MGAT4A: variants seen among roughly 807,000 people sequenced by gnomAD.
The protein encoded by MGAT4A is N-acetylglucosaminyltransferase IVa.
Under a neutral mutation model 74.1 loss-of-function variants are expected in MGAT4A, and 33 were observed. The observed-to-expected ratio is 0.45, with a 90% CI of 0.34 to 0.60. The LOEUF (loss-of-function observed/expected upper bound fraction) is 0.60, where lower values mean the gene tolerates loss of function less well. MGAT4A is among the 20% of genes least tolerant of loss of function. The probability of loss-of-function intolerance (pLI) is 0.02; values close to 1 mark genes in which losing one functional copy is unlikely to be tolerated. For missense variants in MGAT4A, 479 were observed against 628.3 expected, an observed-to-expected ratio of 0.76 and a Z score of 2.54; for synonymous variants, 198 against 210.4, an observed-to-expected ratio of 0.94 and a Z score of 0.51.
intron 14 of MGAT4A, among the ~76,000 whole-genome samples, chr2:98,634,926 G>T (rs1355407162): frequency 1.3e-5 from 2 of 151,978 alleles, no homozygotes; most frequent in Non-Finnish European, 2.9e-5. Context: ...GTGAGCTGAG[G>T]CTGGAGAGGA....
chr2:98,694,390 T>C (rs1384760232), intron 2 of MGAT4A: 1 of 153,580 alleles, frequency 6.5e-6, no homozygotes, highest in Non-Finnish European at 1.5e-5. Context: ...AATTTTTGGA[T>C]ACACCATGGT....
rs543080307 is a variant in MGAT4A at position 98,717,800 on chromosome 2, G to T, written c.94+8439C>A. Among the ~76,000 whole-genome samples, 6 of 152,266 alleles carry T rather than the reference G, an allele frequency of 3.9e-5. No individual in the cohort carries two copies. The East Asian group carries it at 1.2e-3, about 29-fold the overall frequency. On this transcript the variant is annotated intron_variant, in intron 2 of 15. Coordinates refer to ENST00000393487, the MANE Select transcript of MGAT4A (RefSeq NM_012214.3). ...TACGGCAAGGATATTCCTCTAACAT[G>T]TTCTAATGCTAATGCATCCCAGACC... is the stretch of plus-strand genomic sequence containing the variant.
At position 98,667,395 on chromosome 2, in the gene MGAT4A, T is replaced by C. The variant is rs1701850872; in HGVS notation, c.404-4216A>G. Reference sequence around the variant, plus strand: ...GGAGGGCTCAGAAGGCAGGAAAATATAGGAAACTTTGGAGTTCCCTAGAGA... The same window carrying C: ...GGAGGGCTCAGAAGGCAGGAAAATACAGGAAACTTTGGAGTTCCCTAGAGA... On this transcript the variant is annotated intron_variant, in intron 4 of 15. Transcript: ENST00000393487. Among the ~76,000 whole-genome samples the C allele has an allele frequency of 2.0e-5, 3 of 152,172 alleles. No homozygotes were observed. In the South Asian group the frequency reaches 6.2e-4, roughly 32 times the overall value.
chr2:98,685,238 TAAAAAAAAA>T, intron 2 of MGAT4A, among the ~76,000 whole-genome samples: 1 of 133,472 alleles, frequency 7.5e-6, no homozygotes, highest in African/African-American at 2.8e-5. Flanking sequence ...CCCTGTCTCT[TAAAAAAAAA>T]AAAAAAAAAA....
chr2:98,712,452 G>A (rs1702531585), intron 2 of MGAT4A, among the ~76,000 whole-genome samples: 1 of 152,152 alleles, frequency 6.6e-6, no homozygotes, highest in African/African-American at 2.4e-5. Context: ...AAATAGTTGT[G>A]TACCAATATG....
intron 8 of MGAT4A, among the ~76,000 whole-genome samples, chr2:98,646,401 A>G (rs1244412277): frequency 6.6e-6 from 1 of 152,098 alleles, no homozygotes; most frequent in Non-Finnish European, 1.5e-5. Flanking sequence ...CAATCATCAA[A>G]GAAACAATCA....
chr2:98,682,930 T>C (rs1278496915), intron 2 of MGAT4A, among the ~76,000 whole-genome samples: 1 of 150,956 alleles, frequency 6.6e-6, no homozygotes, highest in Non-Finnish European at 1.5e-5. Context: ...ACTAAAAAAA[T>C]ACAAAAATTT....
At chr2:98,642,601 A>G (rs1405352193) in intron 10 of MGAT4A, among the ~76,000 whole-genome samples, 4 of 152,220 alleles carry the variant, frequency 2.6e-5, no homozygotes, top group Non-Finnish European at 5.9e-5. Context: ...CACATATTAA[A>G]TAAAATTGCA....
chr2:98,679,405 C>CAAAA (rs753919040), intron 2 of MGAT4A, among the ~76,000 whole-genome samples: 9 of 33,322 alleles, frequency 2.7e-4, no homozygotes, highest in East Asian at 8.9e-4. Flanking sequence ...GACTCCGTCT[C>CAAAA]AAAAAAAAAA....
At chr2:98,665,541 C>T (rs767113155) in intron 4 of MGAT4A, among the ~76,000 whole-genome samples, 6 of 152,040 alleles carry the variant, frequency 3.9e-5, no homozygotes, top group Admixed American at 6.6e-5. Context: ...TCCGTCCCCC[C>T]AAAAAAAGAT....
In MGAT4A at chr2:98,640,169, T is replaced by C. The variant is rs1358852808; in HGVS notation, c.1080A>G (p.Gln360=). 10 of 1,613,982 alleles carry C rather than the reference T, an allele frequency of 6.2e-6. No homozygotes were observed. Among genetic ancestry groups the C allele is most frequent in the Non-Finnish European group, 7.6e-6 (9 of 1,179,964 alleles). The change falls in exon 11 of 16, where the codon CAA becomes CAG. Residue 360 remains glutamine (Q), a synonymous_variant. Transcript: ENST00000393487. The part of the protein sequence containing the change: ...LRIRFRPSLF[Q]HVGLHSSLSG... ...ATAGTGATGAGTGCAGACCAACATG[T>C]TGGAAAAGGGAAGGTCTGAAGCGAA...
chr2:98,641,511 A>C (rs1701408937), intron 10 of MGAT4A, among the ~76,000 whole-genome samples: 1 of 149,440 alleles, frequency 6.7e-6, no homozygotes, highest in African/African-American at 2.4e-5. Flanking sequence ...AAAAAAAAAA[A>C]AAAAAAAAAA....
At position 98,700,617 on chromosome 2, in the gene MGAT4A, G is replaced by A. The variant is rs148819907; in HGVS notation, c.95-22146C>T. Among the ~76,000 whole-genome samples, 384 of 152,050 alleles carry A rather than the reference G, an allele frequency of 2.5e-3. 3 individuals are homozygous for A. Among genetic ancestry groups the A allele is most frequent in the African/African-American group, 8.9e-3 (368 of 41,490 alleles). Reference sequence around the variant, plus strand: ...AAAGTCTATTACATGTTGGCTGGGCGCGGTGGCTCATGCGTGTAATCCCAG... The same window carrying A: ...AAAGTCTATTACATGTTGGCTGGGCACGGTGGCTCATGCGTGTAATCCCAG... On this transcript the variant is annotated intron_variant, in intron 2 of 15. Coordinates refer to ENST00000393487, the MANE Select transcript of MGAT4A (RefSeq NM_012214.3).
In MGAT4A at chr2:98,619,605, T is replaced by A. The variant is rs193179711; in HGVS notation, c.*5961A>T. On this transcript the variant is annotated 3_prime_UTR_variant, in exon 16 of 16. Transcript: ENST00000393487. ...ACACTGAAATGAAAAGTATCAAATCTACTGGCAGTGCATCTTACAGTACTG... is the reference window on the plus strand; with the variant it reads ...ACACTGAAATGAAAAGTATCAAATCAACTGGCAGTGCATCTTACAGTACTG... 25 of 152,346 alleles carry A rather than the reference T, an allele frequency of 1.6e-4. No homozygotes were observed. The highest frequency in any genetic ancestry group is 5.5e-4 in the African/African-American group (23 of 41,582). 9.4% of individuals were successfully genotyped at this position (152,346 alleles called of 1,614,324 possible).
Position 98,622,323 on chromosome 2 carries a change from C to G in MGAT4A, c.*3243G>C. 1 of 985,456 alleles carries G rather than the reference C, an allele frequency of 1.0e-6. No individual in the cohort carries two copies. The highest frequency in any genetic ancestry group is 1.2e-6 in the Non-Finnish European group (1 of 829,954). 61.0% of individuals were successfully genotyped at this position (985,456 alleles called of 1,614,324 possible). On this transcript the variant is annotated 3_prime_UTR_variant, in exon 16 of 16. Transcript: ENST00000393487. ...TCCGTGGTGTCAAGTGTGGTGGCCA[C>G]TAGCTCCACATGGCCACTGAGTACT...
At chr2:98,714,442 C>T (rs1427565705) in intron 2 of MGAT4A, among the ~76,000 whole-genome samples, 1 of 152,186 alleles carries the variant, frequency 6.6e-6, no homozygotes, top group Non-Finnish European at 1.5e-5. Context: ...AAAGAGGAGA[C>T]TAGCATGGAC....
At chr2:98,725,364 CA>C (rs1702747479) in intron 2 of MGAT4A, among the ~76,000 whole-genome samples, 1 of 151,982 alleles carries the variant, frequency 6.6e-6, no homozygotes, top group African/African-American at 2.4e-5. Context: ...TATATATAGA[CA>C]TGGATGTAAA....
At chr2:98,661,545 C>T (rs910241267) in intron 5 of MGAT4A, among the ~76,000 whole-genome samples, 2 of 152,118 alleles carry the variant, frequency 1.3e-5, no homozygotes, top group African/African-American at 4.8e-5. Flanking sequence ...TTAAACATTA[C>T]ATTCAGAGAA....
At chr2:98,630,130 T>C (rs1701208029) in intron 14 of MGAT4A, among the ~76,000 whole-genome samples, 2 of 152,230 alleles carry the variant, frequency 1.3e-5, no homozygotes, top group Admixed American at 6.5e-5. Context: ...GTCTATATTG[T>C]AGAGAAACTC....
Sources: gnomAD v4.1 joint callset for allele counts (sites outside exome capture counted in the v4.1 genomes callset) on GRCh38, gnomAD v4.1.1 for gene constraint, MANE v1.5 for transcripts, NCBI Gene and HGNC (gene_info 2026-07-23, HGNC 2026-07-21) for gene names.